Variants in GFRA1 observed in about 807,000 individuals in gnomAD.
GFRA1 encodes GDNF family receptor alpha-1.
Under a neutral mutation model 51.6 loss-of-function variants are expected in GFRA1, and 16 were observed. The ratio of observed to expected loss-of-function variants is 0.31; its 90% CI spans 0.21 to 0.47. The LOEUF is 0.47. Among genes scored for constraint, GFRA1 ranks in the 20% least tolerant of loss-of-function variants. The pLI, the probability that GFRA1 is intolerant of heterozygous loss-of-function variation, is 1.00. For synonymous variants in GFRA1, 270 were observed against 241.3 expected, an observed-to-expected ratio of 1.12 and a Z score of -1.10; for missense variants, 530 against 594.3, an observed-to-expected ratio of 0.89 and a Z score of 1.13.
chr10:116,129,435 TTAGA>T (rs1394108264), intron 5 of GFRA1, among the ~76,000 whole-genome samples: 3 of 152,134 alleles, frequency 2.0e-5, no homozygotes, highest in South Asian at 2.1e-4. Context: ...ATATATTTCA[TTAGA>T]TAAAGAAAAA....
chr10:116,172,575 G>C (rs757523686), intron 5 of GFRA1, among the ~76,000 whole-genome samples: 1 of 152,286 alleles, frequency 6.6e-6, no homozygotes, highest in East Asian at 1.9e-4. Context: ...TGGGTTGGGG[G>C]GCAGAGGGTT....
Position 116,064,303 on chromosome 10 carries a change from C to T in GFRA1, c.*95G>A, listed in dbSNP as rs1954987954. ...TGAATGGAACTGTTTCTCAACTGAG[C>T]TCCTAAACTGGAATTTCAGCTATAC... On this transcript the variant is annotated 3_prime_UTR_variant, in exon 11 of 11. Transcript: ENST00000355422. The T allele has an allele frequency of 3.7e-6, 4 of 1,066,852 alleles. No individual in the cohort carries two copies. Among genetic ancestry groups the T allele is most frequent in the African/African-American group, 1.6e-5 (1 of 63,540 alleles). The allele number at this position is 1,066,852 out of a possible 1,614,324, so 66.1% of individuals were successfully genotyped here. A position where few individuals can be genotyped will look rare whatever the true frequency, so the allele number is the denominator to read the frequency against.
intron 4 of GFRA1, among the ~76,000 whole-genome samples, chr10:116,267,740 G>A (rs1969775700): frequency 6.6e-6 from 1 of 152,092 alleles, no homozygotes; most frequent in East Asian, 1.9e-4. Context: ...CCGCTCCCAG[G>A]AGAGCTTAGG....
chr10:116,082,465 CTTTTGTTTT>C (rs934255424), intron 9 of GFRA1, among the ~76,000 whole-genome samples: 9 of 134,006 alleles, frequency 6.7e-5, no homozygotes, highest in Non-Finnish European at 1.2e-4. Flanking sequence ...CCGCCCCTTG[CTTTTGTTTT>C]TTTTGTTTTT....
At chr10:116,208,772 T>C in intron 5 of GFRA1, among the ~76,000 whole-genome samples, 1 of 152,248 alleles carries the variant, frequency 6.6e-6, no homozygotes, top group East Asian at 1.9e-4. Context: ...CGTGCTTCAG[T>C]AACTTCAAAT....
chr10:116,227,399 T>A (rs922385312), intron 4 of GFRA1, among the ~76,000 whole-genome samples: 3 of 152,214 alleles, frequency 2.0e-5, no homozygotes, highest in African/African-American at 7.2e-5. Flanking sequence ...GTGGCCAGCG[T>A]CATGGTGCTG....
intron 4 of GFRA1, among the ~76,000 whole-genome samples, chr10:116,252,195 G>A (rs1968435814): frequency 1.3e-5 from 2 of 151,882 alleles, no homozygotes; most frequent in African/African-American, 2.4e-5. Context: ...ACTCTGCCTA[G>A]GAACTCACAA....
At chr10:116,110,072 C>T (rs142202217) in intron 6 of GFRA1, among the ~76,000 whole-genome samples, 19 of 152,314 alleles carry the variant, frequency 1.2e-4, no homozygotes, top group African/African-American at 3.8e-4. Context: ...CCAACCACAG[C>T]CCTGAGAGGC....
At chr10:116,274,537 A>C (rs1461227511), upstream of GFRA1, among the ~76,000 whole-genome samples, 1 of 152,150 alleles carries the variant, frequency 6.6e-6, no homozygotes, top group East Asian at 1.9e-4. Flanking sequence ...ATTCAACCAC[A>C]CATCAGCCAG....
intron 5 of GFRA1, among the ~76,000 whole-genome samples, chr10:116,158,090 AG>A (rs1959342200): frequency 6.6e-6 from 1 of 152,154 alleles, no homozygotes; most frequent in Admixed American, 6.6e-5. Context: ...CTACTTCCTC[AG>A]GAATAGTCCC....
At chr10:116,090,650 G>A (rs1455355018) in intron 8 of GFRA1, among the ~76,000 whole-genome samples, 1 of 151,954 alleles carries the variant, frequency 6.6e-6, no homozygotes, top group East Asian at 1.9e-4. Context: ...GATTAAATTG[G>A]TTGTGTGTTG....
chr10:116,178,434 G>T (rs947034346), intron 5 of GFRA1, among the ~76,000 whole-genome samples: 7 of 152,188 alleles, frequency 4.6e-5, no homozygotes, highest in African/African-American at 1.7e-4. Context: ...TTGAGAACAG[G>T]CTGAGTTACA....
At chr10:116,150,314 T>C (rs916731265) in intron 5 of GFRA1, among the ~76,000 whole-genome samples, 2 of 152,142 alleles carry the variant, frequency 1.3e-5, no homozygotes, top group African/African-American at 2.4e-5. Flanking sequence ...TGCTGTCACA[T>C]TGCTCTTCCT....
At chr10:116,084,806 AC>A (rs1246538787) in intron 9 of GFRA1, among the ~76,000 whole-genome samples, 3 of 131,428 alleles carry the variant, frequency 2.3e-5, no homozygotes, top group African/African-American at 9.2e-5. Flanking sequence ...ACACACACAC[AC>A]ACACAGTCCA....
At chr10:116,097,613 G>T (rs1284436827) in intron 6 of GFRA1, among the ~76,000 whole-genome samples, 1 of 152,184 alleles carries the variant, frequency 6.6e-6, no homozygotes, top group Admixed American at 6.5e-5. Context: ...GGATACTGTT[G>T]GAGAAATCCT....
At chr10:116,191,459 A>C (rs1347048425) in intron 5 of GFRA1, among the ~76,000 whole-genome samples, 2 of 152,222 alleles carry the variant, frequency 1.3e-5, no homozygotes, top group Non-Finnish European at 2.9e-5. Context: ...ACCAGGCAAT[A>C]AACTTTTCAG....
At chr10:116,093,079 G>A (rs1339460600) in intron 8 of GFRA1, among the ~76,000 whole-genome samples, 5 of 152,154 alleles carry the variant, frequency 3.3e-5, no homozygotes, top group African/African-American at 7.2e-5. Flanking sequence ...TCAAGCAGGA[G>A]CCCCCTCCCT....
Position 116,089,970 on chromosome 10 carries a change from G to A in GFRA1, c.1016-48C>T, listed in dbSNP as rs368452209. 32 of 1,509,312 alleles carry A rather than the reference G, an allele frequency of 2.1e-5. No homozygotes were observed. The African/African-American group carries it at 2.2e-4, about 10-fold the overall frequency. The allele number at this position is 1,509,312 out of a possible 1,614,324, so 93.5% of individuals were successfully genotyped here. A position where few individuals can be genotyped will look rare whatever the true frequency, so the allele number is the denominator to read the frequency against. On this transcript the variant is annotated intron_variant, in intron 8 of 10. Transcript: ENST00000355422. The stretch of plus-strand genomic sequence containing the variant: ...CCAATTTCAAAGTCAAGCAGCAAAC[G>A]TAACAGACAGGATATACACAGCCAG...
At chr10:116,184,240 T>C (rs1345024826) in intron 5 of GFRA1, among the ~76,000 whole-genome samples, 6 of 152,208 alleles carry the variant, frequency 3.9e-5, no homozygotes, top group African/African-American at 1.4e-4. Flanking sequence ...TCTCCAGGCA[T>C]CAGAGGAGCT....
Sources: gnomAD v4.1 joint callset for allele counts (sites outside exome capture counted in the v4.1 genomes callset) on GRCh38, gnomAD v4.1.1 for gene constraint, MANE v1.5 for transcripts, NCBI Gene and HGNC (gene_info 2026-07-23, HGNC 2026-07-21) for gene names.